The following CSTPP1 variants were observed in gnomAD, a reference collection of about 807,000 sequenced individuals.
CSTPP1 encodes UPF0705 protein C11orf49.
the CSTPP1 span, among the ~76,000 whole-genome samples, chr11:46,997,128 T>A: frequency 6.6e-6 from 1 of 152,260 alleles, no homozygotes; most frequent in Non-Finnish European, 1.5e-5. Flanking sequence ...GAAGTTCTCC[T>A]GGATAATATC....
the CSTPP1 span, among the ~76,000 whole-genome samples, chr11:47,134,630 A>G: frequency 6.6e-6 from 1 of 152,206 alleles, no homozygotes; most frequent in Non-Finnish European, 1.5e-5. Context: ...CAAAATAGAC[A>G]GGAGCATTAG....
chr11:46,940,583 A>G, the CSTPP1 span, among the ~76,000 whole-genome samples: 7 of 152,190 alleles, frequency 4.6e-5, no homozygotes, highest in Admixed American at 1.3e-4. Flanking sequence ...GCATTTTTAA[A>G]TGAAGTTGAG....
At chr11:47,096,225 C>G in the CSTPP1 span, among the ~76,000 whole-genome samples, 2 of 152,130 alleles carry the variant, frequency 1.3e-5, no homozygotes, top group Admixed American at 1.3e-4. Context: ...ATAGAACTTA[C>G]CATTTTCACC....
the CSTPP1 span, among the ~76,000 whole-genome samples, chr11:47,101,763 G>A: frequency 6.6e-6 from 1 of 152,134 alleles, no homozygotes; most frequent in Non-Finnish European, 1.5e-5. Flanking sequence ...TGTCCTGTCA[G>A]ATGGAGAGAC....
chr11:47,118,993 C>G, the CSTPP1 span, among the ~76,000 whole-genome samples: 1 of 152,376 alleles, frequency 6.6e-6, no homozygotes, highest in South Asian at 2.1e-4. Flanking sequence ...CTCCTCAGAG[C>G]TGTCAGACAG....
chr11:47,144,883 C>T, the CSTPP1 span, among the ~76,000 whole-genome samples: 7 of 150,622 alleles, frequency 4.6e-5, no homozygotes, highest in Non-Finnish European at 1.0e-4. Context: ...AGGTTTAGGG[C>T]GGGGCTCAAT....
the CSTPP1 span, among the ~76,000 whole-genome samples, chr11:47,163,640 A>C: frequency 6.6e-6 from 1 of 152,034 alleles, no homozygotes; most frequent in African/African-American, 2.4e-5. Flanking sequence ...GTATGTATAT[A>C]TATGTAATTT....
chr11:47,044,163 G>A, the CSTPP1 span, among the ~76,000 whole-genome samples: 1 of 151,630 alleles, frequency 6.6e-6, no homozygotes, highest in African/African-American at 2.4e-5. Flanking sequence ...ATTTTTTTGT[G>A]TTTTTAGTAG....
At chr11:46,939,082 CTTTTTTTTTTTTTT>C in the CSTPP1 span, among the ~76,000 whole-genome samples, 5 of 84,768 alleles carry the variant, frequency 5.9e-5, no homozygotes, top group Middle Eastern at 0.01. Context: ...TGGCTTACAT[CTTTTTTTTTTTTTT>C]TTTTTTTTTT....
chr11:46,961,732 T>TTAA, the CSTPP1 span, among the ~76,000 whole-genome samples: 1 of 152,200 alleles, frequency 6.6e-6, no homozygotes, highest in African/African-American at 2.4e-5. Flanking sequence ...TTGATCCATT[T>TTAA]TAAAATGGCT....
the CSTPP1 span, among the ~76,000 whole-genome samples, chr11:46,992,991 T>C: frequency 6.6e-6 from 1 of 152,260 alleles, no homozygotes; most frequent in Non-Finnish European, 1.5e-5. Context: ...TGGCCAGTGA[T>C]GATGAGCATT....
chr11:47,143,316 G>C, the CSTPP1 span, among the ~76,000 whole-genome samples: 1 of 152,184 alleles, frequency 6.6e-6, no homozygotes, highest in Non-Finnish European at 1.5e-5. Flanking sequence ...AGACTTCAAG[G>C]CAGTTACTAT....
the CSTPP1 span, among the ~76,000 whole-genome samples, chr11:46,951,756 A>G: frequency 2.0e-5 from 3 of 152,164 alleles, no homozygotes; most frequent in Non-Finnish European, 4.4e-5. Context: ...TAACTTAAGT[A>G]AATTTTCCAT....
At chr11:47,133,599 T>C in the CSTPP1 span, among the ~76,000 whole-genome samples, 1 of 152,228 alleles carries the variant, frequency 6.6e-6, no homozygotes, top group Non-Finnish European at 1.5e-5. Flanking sequence ...TTGACAGTAA[T>C]TAGAACTTTT....
At chr11:47,029,855 TG>T in the CSTPP1 span, among the ~76,000 whole-genome samples, 2 of 150,666 alleles carry the variant, frequency 1.3e-5, no homozygotes, top group African/African-American at 2.4e-5. Context: ...CCTAGCACTT[TG>T]GGAGGCCAAA....
At chr11:46,947,051 T>A in the CSTPP1 span, among the ~76,000 whole-genome samples, 1 of 152,274 alleles carries the variant, frequency 6.6e-6, no homozygotes, top group African/African-American at 2.4e-5. Flanking sequence ...GCTCTGGATC[T>A]TTTCGGTTTT....
the CSTPP1 span, chr11:47,137,760 A>C: frequency 6.2e-7 from 1 of 1,601,044 alleles, no homozygotes; most frequent in Non-Finnish European, 8.6e-7. Context: ...AAACCAACTC[A>C]GCTCTCTGTG....
At chr11:47,006,684 A>G in the CSTPP1 span, among the ~76,000 whole-genome samples, 1 of 150,550 alleles carries the variant, frequency 6.6e-6, no homozygotes, top group Non-Finnish European at 1.5e-5. Flanking sequence ...TCCTGGGCTC[A>G]GGCAATCCTC....
At chr11:46,940,018 G>A in the CSTPP1 span, among the ~76,000 whole-genome samples, 3 of 151,952 alleles carry the variant, frequency 2.0e-5, no homozygotes, top group Non-Finnish European at 4.4e-5. Context: ...CTGCAGGCAC[G>A]AGCCACCACA....
Sources: gnomAD v4.1 joint callset for allele counts (sites outside exome capture counted in the v4.1 genomes callset) on GRCh38, gnomAD v4.1.1 for gene constraint, MANE v1.5 for transcripts, NCBI Gene and HGNC (gene_info 2026-07-23, HGNC 2026-07-21) for gene names.